CCDC192: variants seen among roughly 807,000 people sequenced by gnomAD.
CCDC192 encodes coiled-coil domain-containing protein 192.
chr5:127,792,346 C>G (rs946720390), intron 3 of CCDC192, among the ~76,000 whole-genome samples: 2 of 152,030 alleles, frequency 1.3e-5, no homozygotes, highest in African/African-American at 2.4e-5. Context: ...GAGAAAGTCC[C>G]TTATAAAACC....
intron 5 of CCDC192, among the ~76,000 whole-genome samples, chr5:127,825,029 G>A (rs763425992): frequency 3.3e-5 from 5 of 152,078 alleles, no homozygotes; most frequent in Admixed American, 6.6e-5. Flanking sequence ...CCACAATAGC[G>A]CTGTCAAACA....
chr5:127,848,163 G>A (rs1398432458), intron 5 of CCDC192, among the ~76,000 whole-genome samples: 1 of 152,050 alleles, frequency 6.6e-6, no homozygotes, highest in Non-Finnish European at 1.5e-5. Flanking sequence ...GCATGGTCCT[G>A]GTTCTCTCTT....
intron 2 of CCDC192, among the ~76,000 whole-genome samples, chr5:127,712,577 A>G (rs1390102219): frequency 3.9e-5 from 6 of 152,188 alleles, no homozygotes; most frequent in African/African-American, 1.4e-4. Context: ...TCAGCTAAAT[A>G]AACCTCTTTT....
intron 5 of CCDC192, among the ~76,000 whole-genome samples, chr5:127,863,386 T>G (rs1039225246): frequency 2.0e-5 from 3 of 152,144 alleles, no homozygotes; most frequent in Non-Finnish European, 4.4e-5. Flanking sequence ...TGTAATGGAG[T>G]TAGAGAAGAT....
At chr5:127,900,278 A>T (rs770564052) in intron 6 of CCDC192, among the ~76,000 whole-genome samples, 39 of 152,202 alleles carry the variant, frequency 2.6e-4, no homozygotes, top group Non-Finnish European at 5.0e-4. Flanking sequence ...CCTCTTAGAG[A>T]TGCTACAGCT....
At chr5:127,802,059 T>C (rs957551731) in intron 5 of CCDC192, among the ~76,000 whole-genome samples, 15 of 152,180 alleles carry the variant, frequency 9.9e-5, no homozygotes, top group African/African-American at 2.9e-4. Context: ...GTTTGTTAAG[T>C]AGGAACTCAA....
At chr5:127,867,470 G>A (rs973320871) in intron 5 of CCDC192, among the ~76,000 whole-genome samples, 1 of 152,148 alleles carries the variant, frequency 6.6e-6, no homozygotes, top group African/African-American at 2.4e-5. Context: ...TTCTACCCAC[G>A]TCACTTCTTA....
At chr5:127,851,291 A>G (rs17164606) in intron 5 of CCDC192, among the ~76,000 whole-genome samples, 2,234 of 152,248 alleles carry the variant, frequency 0.015, 45 homozygotes, top group African/African-American at 0.052. Context: ...TCCTACCACC[A>G]TGCAAACCTG....
chr5:127,747,588 G>A lies in CCDC192; in HGVS notation c.115-6680G>A, dbSNP rs1362130048. On this transcript the variant is annotated intron_variant, in intron 2 of 6. Transcript: ENST00000514853. ...ACATACGTGTGCATGTGTCTTTATA[G>A]CAGCATGATTTATAGTCCTTTGGGT... Among the ~76,000 whole-genome samples, 3 of 151,772 alleles carry A rather than the reference G, an allele frequency of 2.0e-5. No individual in the cohort carries two copies. In the East Asian group the frequency reaches 5.8e-4, roughly 29 times the overall value.
At chr5:127,724,780 C>T (rs1431180052) in intron 2 of CCDC192, among the ~76,000 whole-genome samples, 5 of 143,690 alleles carry the variant, frequency 3.5e-5, no homozygotes, top group South Asian at 2.2e-4. Flanking sequence ...ACCTGGGAGG[C>T]GGAGGTTGCA....
intron 6 of CCDC192, among the ~76,000 whole-genome samples, chr5:127,917,548 A>G (rs1231345739): frequency 2.6e-5 from 4 of 152,208 alleles, no homozygotes; most frequent in African/African-American, 9.6e-5. Flanking sequence ...AAGGGTTATT[A>G]AATAGCCTAA....
intron 5 of CCDC192, among the ~76,000 whole-genome samples, chr5:127,804,743 C>T (rs1483952725): frequency 1.3e-5 from 2 of 152,166 alleles, no homozygotes; most frequent in African/African-American, 2.4e-5. Context: ...TTTGAGGACT[C>T]ATCTCATTCT....
upstream of CCDC192, among the ~76,000 whole-genome samples, chr5:127,702,781 C>T (rs1310162438): frequency 6.6e-6 from 1 of 152,210 alleles, no homozygotes; most frequent in African/African-American, 2.4e-5. Flanking sequence ...CCTGGGTCTA[C>T]AAATGCATCC....
At chr5:127,852,700 G>A (rs901250474) in intron 5 of CCDC192, among the ~76,000 whole-genome samples, 4 of 152,150 alleles carry the variant, frequency 2.6e-5, no homozygotes, top group African/African-American at 9.7e-5. Flanking sequence ...AAGATGCCTG[G>A]TGGTCCTCAC....
At chr5:127,729,233 C>T (rs1752502280) in intron 2 of CCDC192, among the ~76,000 whole-genome samples, 1 of 152,090 alleles carries the variant, frequency 6.6e-6, no homozygotes, top group Non-Finnish European at 1.5e-5. Context: ...ACAAAACAGA[C>T]CTTAAGCCAA....
intron 6 of CCDC192, among the ~76,000 whole-genome samples, chr5:127,877,872 G>A (rs1752146751): frequency 6.6e-6 from 1 of 152,050 alleles, no homozygotes; most frequent in Non-Finnish European, 1.5e-5. Context: ...TCAGACCTCT[G>A]TTTGCAAATG....
chr5:127,713,946 T>C (rs1751476530), intron 2 of CCDC192, among the ~76,000 whole-genome samples: 1 of 152,224 alleles, frequency 6.6e-6, no homozygotes, highest in African/African-American at 2.4e-5. Flanking sequence ...CTAGAACTTA[T>C]TCCTCCTATC....
At chr5:127,809,918 T>C (rs1273170793) in intron 5 of CCDC192, among the ~76,000 whole-genome samples, 1 of 152,194 alleles carries the variant, frequency 6.6e-6, no homozygotes, top group Non-Finnish European at 1.5e-5. Flanking sequence ...CTGATTTGAA[T>C]AAAACAGATT....
At chr5:127,729,955 A>G (rs1251497183) in intron 2 of CCDC192, among the ~76,000 whole-genome samples, 1 of 152,190 alleles carries the variant, frequency 6.6e-6, no homozygotes, top group African/African-American at 2.4e-5. Flanking sequence ...ATACACAAAT[A>G]AAAGAACTAG....
Sources: gnomAD v4.1 joint callset for allele counts (sites outside exome capture counted in the v4.1 genomes callset) on GRCh38, gnomAD v4.1.1 for gene constraint, MANE v1.5 for transcripts, NCBI Gene and HGNC (gene_info 2026-07-23, HGNC 2026-07-21) for gene names.